Variants in SLC35F6 observed in about 807,000 individuals in gnomAD.
SLC35F6 encodes the protein solute carrier family 35 member F6, also known as ANT2-binding protein.
Under a neutral mutation model 29.4 loss-of-function variants are expected in SLC35F6, and 26 were observed. That is an observed-to-expected ratio of 0.89 (90% CI 0.65 to 1.23). SLC35F6 has a LOEUF of 1.23. Among genes scored for constraint, SLC35F6 ranks in the 50% most tolerant of loss-of-function variants. The probability of loss-of-function intolerance (pLI) is 0.00; values close to 1 mark genes in which losing one functional copy is unlikely to be tolerated. For synonymous variants in SLC35F6, 174 were observed against 206.6 expected (o/e 0.84, Z 1.35); for missense variants, 428 against 487.8 (o/e 0.88, Z 1.15).
rs1041255115 is a variant in SLC35F6, at chr2:26,775,159, T to A, written c.266T>A (p.Leu89His). 2 of 1,614,096 alleles carry A rather than the reference T, an allele frequency of 1.2e-6. No individual in the cohort carries two copies. The highest frequency in any genetic ancestry group is 1.7e-6 in the Non-Finnish European group (2 of 1,180,028). The change falls in exon 3 of 6, where the codon CTT (leucine) becomes CAT (histidine). Residue 89 changes from leucine to histidine, a missense_variant. Transcript: ENST00000344420. This position sits in a 1 kb window ranked among gnomAD's most constrained non-coding sequence, Gnocchi z 4.6. ...GACCCCCAGCAGCCCTTCAACCCTC[T>A]TCTTTTCCTGCCCCCAGCGCTCTGT... ...SVDPQQPFNP[L>H]LFLPPALCDM...
At chr2:26,769,308 T>C (rs1664151740) in intron 1 of SLC35F6, among the ~76,000 whole-genome samples, 1 of 152,222 alleles carries the variant, frequency 6.6e-6, no homozygotes, top group Non-Finnish European at 1.5e-5. Flanking sequence ...CTCCCCAGCC[T>C]GCCCGCCAAA....
intron 4 of SLC35F6, 136 bp from the exon 5 acceptor site, chr2:26,776,236 G>T (rs1664298065): frequency 4.3e-6 from 3 of 693,634 alleles, no homozygotes; most frequent in Non-Finnish European, 4.9e-6. Flanking sequence ...GGGACAGGCA[G>T]TGGTGACTGT....
chr2:26,774,998 C>G (rs563077013), intron 2 of SLC35F6, 46 bp from the exon 3 acceptor site: 252 of 1,562,272 alleles, frequency 1.6e-4, no homozygotes, highest in South Asian at 5.3e-4. Context: ...AGATGATCCC[C>G]GAGATCCCTT....
intron 1 of SLC35F6, chr2:26,764,915 C>T: frequency 1.0e-6 from 1 of 985,352 alleles, no homozygotes; most frequent in Non-Finnish European, 1.2e-6. Flanking sequence ...GGTGGGATTT[C>T]GGAATGTGTC....
rs930472035 is a variant in SLC35F6 at position 26,778,006 on chromosome 2, A to C, written c.647-36A>C. On this transcript the variant is annotated intron_variant, in intron 5 of 5. Coordinates refer to ENST00000344420, the MANE Select transcript of SLC35F6 (RefSeq NM_017877.4). ...GTGGGCTGTGCTGGGGGTCTGGGGG[A>C]AGGTGGAGAGTGTAACTGTTTCCTC... 13 of 1,572,130 alleles carry C rather than the reference A, an allele frequency of 8.3e-6. No individual in the cohort carries two copies. The African/African-American group carries it at 1.6e-4, about 20-fold the overall frequency.
Position 26,776,495 on chromosome 2 carries a change from A to T in SLC35F6, c.646+13A>T, listed in dbSNP as rs1664303110. The T allele has an allele frequency of 6.2e-7, 1 of 1,612,666 alleles. No individual in the cohort carries two copies. The highest frequency in any genetic ancestry group is 8.5e-7 in the Non-Finnish European group (1 of 1,178,794). On this transcript the variant is annotated intron_variant, in intron 5 of 5. Coordinates refer to ENST00000344420, the MANE Select transcript of SLC35F6 (RefSeq NM_017877.4). The stretch of plus-strand genomic sequence containing the variant: ...GTTGGCACTGAGGGTGTGTGTGGGC[A>T]CAGGGGCCTGGAAGGAGTGGGGTAG...
At chr2:26,767,981 T>C (rs1664126660) in intron 1 of SLC35F6, among the ~76,000 whole-genome samples, 1 of 152,166 alleles carries the variant, frequency 6.6e-6, no homozygotes, top group African/African-American at 2.4e-5. Flanking sequence ...TGACTTCCTT[T>C]CATGCCCAGG....
At chr2:26,771,517 C>T (rs1664195621) in intron 1 of SLC35F6, among the ~76,000 whole-genome samples, 1 of 152,178 alleles carries the variant, frequency 6.6e-6, no homozygotes, top group African/African-American at 2.4e-5. Flanking sequence ...CTTGCTTTGC[C>T]TCTGTTTCAC....
chr2:26,775,113 G>T lies in SLC35F6; in HGVS notation c.220G>T (p.Gly74Trp). The change falls in exon 3 of 6, where the codon GGG (glycine) becomes TGG (tryptophan). Residue 74 changes from glycine (G) to tryptophan (W), a missense_variant. Transcript: ENST00000344420. The surrounding 1 kb of genome is among the most constrained non-coding windows in gnomAD (Gnocchi z 4.6). ...CTACCTCCTCCGATGCAGAGCTGCA[G>T]GGCAATCAGACTCCAGCGTAGACCC... ...AFYLLRCRAA[G>W]QSDSSVDPQQ... 3 of 1,614,154 alleles carry T rather than the reference G, an allele frequency of 1.9e-6. No homozygotes were observed. Among genetic ancestry groups the T allele is most frequent in the Non-Finnish European group, 2.5e-6 (3 of 1,180,034 alleles).
At chr2:26,769,321 G>A (rs896045697) in intron 1 of SLC35F6, among the ~76,000 whole-genome samples, 1 of 152,214 alleles carries the variant, frequency 6.6e-6, no homozygotes, top group Non-Finnish European at 1.5e-5. Context: ...CCGCCAAAAG[G>A]AGCGGCCTCA....
Position 26,778,556 on chromosome 2 carries a change from T to C in SLC35F6, c.*45T>C. 2 of 1,504,950 alleles carry C rather than the reference T, an allele frequency of 1.3e-6. No homozygotes were observed. The highest frequency in any genetic ancestry group is 1.8e-6 in the Non-Finnish European group (2 of 1,128,980). The allele number at this position is 1,504,950 out of a possible 1,614,324, so 93.2% of individuals were successfully genotyped here. A position where few individuals can be genotyped will look rare whatever the true frequency, so the allele number is the denominator to read the frequency against. ...CTGCCACCCGGGTGCTCCTTCTCCCTGAGACTGAGGCCACACAGGCTGGTG... is the reference window on the plus strand; with the variant it reads ...CTGCCACCCGGGTGCTCCTTCTCCCCGAGACTGAGGCCACACAGGCTGGTG... On this transcript the variant is annotated 3_prime_UTR_variant, in exon 6 of 6. Transcript: ENST00000344420.
At chr2:26,764,471 C>T in intron 1 of SLC35F6, 45 bp downstream of exon 1, 1 of 1,547,170 alleles carries the variant, frequency 6.5e-7, no homozygotes, top group Non-Finnish European at 8.7e-7. Context: ...GCGACCCCGG[C>T]GCTCGTTCTA....
chr2:26,764,703 C>G, intron 1 of SLC35F6: 1 of 790,044 alleles, frequency 1.3e-6, no homozygotes, highest in Non-Finnish European at 1.5e-6. Flanking sequence ...CGATTCCTTT[C>G]CACGGCCCTT....
chr2:26,772,657 G>T (rs1366913739), intron 1 of SLC35F6, among the ~76,000 whole-genome samples: 1 of 152,170 alleles, frequency 6.6e-6, no homozygotes, highest in Non-Finnish European at 1.5e-5. Flanking sequence ...CAGTGGCCAG[G>T]GGTGAAAGGT....
rs1353048796 is a variant in SLC35F6 at position 26,775,744 on chromosome 2, A to C, written c.535+68A>C. 1 of 1,463,246 alleles carries C rather than the reference A, an allele frequency of 6.8e-7. No individual in the cohort carries two copies. Among genetic ancestry groups the C allele is most frequent in the East Asian group, 2.5e-5 (1 of 40,314 alleles). 90.6% of individuals were successfully genotyped at this position (1,463,246 alleles called of 1,614,324 possible). A position where few individuals can be genotyped will look rare whatever the true frequency, so the allele number is the denominator to read the frequency against. On this transcript the variant is annotated intron_variant, in intron 4 of 5. Coordinates refer to ENST00000344420, the MANE Select transcript of SLC35F6 (RefSeq NM_017877.4). This position sits in a 1 kb window ranked among gnomAD's most constrained non-coding sequence, Gnocchi z 4.6. Reference sequence around the variant, plus strand: ...TGTCCTCCTTGGGAGCCCAGCACAGACTCATACAAGCTCTGCCATGTGCCA... The same window carrying C: ...TGTCCTCCTTGGGAGCCCAGCACAGCCTCATACAAGCTCTGCCATGTGCCA...
rs183421654 is a variant in SLC35F6 at position 26,773,238 on chromosome 2, C to T, written c.78-1013C>T. 1.3e-3 allele frequency among the ~76,000 whole-genome samples: 198 copies of T among 152,160 alleles called. 1 individual carries two copies. The highest frequency in any genetic ancestry group is 4.4e-3 in the African/African-American group (183 of 41,512). ...GGATTGGGCCAGGCACGGTGGCTCA[C>T]GCCTGTAATTCCAGCACGTTGGGAG... On this transcript the variant is annotated intron_variant, in intron 1 of 5. Transcript: ENST00000344420.
In SLC35F6 at chr2:26,769,324, C is replaced by A. The variant is rs144161866; in HGVS notation, c.77+4898C>A. On this transcript the variant is annotated intron_variant, in intron 1 of 5. Coordinates refer to ENST00000344420, the MANE Select transcript of SLC35F6 (RefSeq NM_017877.4). ...TCCCCAGCCTGCCCGCCAAAAGGAGCGGCCTCAGCTTGTCCCCGCTAGGAC... is the reference window on the plus strand; with the variant it reads ...TCCCCAGCCTGCCCGCCAAAAGGAGAGGCCTCAGCTTGTCCCCGCTAGGAC... 1.2e-3 allele frequency among the ~76,000 whole-genome samples: 189 copies of A among 152,348 alleles called. 1 individual carries two copies. Among genetic ancestry groups the A allele is most frequent in the African/African-American group, 4.4e-3 (182 of 41,586 alleles).
intron 1 of SLC35F6, among the ~76,000 whole-genome samples, chr2:26,767,857 TA>T (rs1381196184): frequency 6.6e-6 from 1 of 152,040 alleles, no homozygotes; most frequent in Admixed American, 6.6e-5. Context: ...ATAATAATAA[TA>T]AATAATTAAT....
In SLC35F6 at chr2:26,778,538, C is replaced by T. The variant is rs753499182; in HGVS notation, c.*27C>T. On this transcript the variant is annotated 3_prime_UTR_variant, in exon 6 of 6. Coordinates refer to ENST00000344420, the MANE Select transcript of SLC35F6 (RefSeq NM_017877.4). ...GTTCCCTGGAGGCTTCTACTGCCAC[C>T]CGGGTGCTCCTTCTCCCTGAGACTG... 1.3e-6 allele frequency: 2 copies of T among 1,543,834 alleles called. No homozygotes were observed.
Sources: allele counts gnomAD v4.1 joint callset (sites outside exome capture counted in the v4.1 genomes callset), GRCh38; gene constraint gnomAD v4.1.1; non-coding constraint Gnocchi (gnomAD v3.1); transcripts MANE v1.5; gene names NCBI Gene and HGNC (gene_info 2026-07-23, HGNC 2026-07-21).